POLR3B: variants seen among roughly 807,000 people sequenced by gnomAD.
POLR3B encodes DNA-directed RNA polymerase III subunit RPC2.
In POLR3B, 96 loss-of-function variants were observed where a neutral mutation model predicts 147.4. The ratio of observed to expected loss-of-function variants is 0.65; its 90% CI spans 0.55 to 0.77. The LOEUF (loss-of-function observed/expected upper bound fraction) is 0.77, where lower values mean the gene tolerates loss of function less well. Among genes scored for constraint, POLR3B ranks in the 30% least tolerant of loss-of-function variants. The pLI, the probability that POLR3B is intolerant of heterozygous loss-of-function variation, is 0.00. For missense variants in POLR3B, 1,036 were observed against 1,413.5 expected, an observed-to-expected ratio of 0.73 and a Z score of 4.28; for synonymous variants, 461 against 485.9, an observed-to-expected ratio of 0.95 and a Z score of 0.67.
At chr12:106,505,900 C>G (rs2137091589) in intron 27 of POLR3B, among the ~76,000 whole-genome samples, 1 of 152,308 alleles carries the variant, frequency 6.6e-6, no homozygotes, top group East Asian at 1.9e-4. Flanking sequence ...CAAGTGGGCT[C>G]CTTAAAACGC....
chr12:106,501,810 G>A (rs1470199162), intron 26 of POLR3B, among the ~76,000 whole-genome samples: 2 of 152,178 alleles, frequency 1.3e-5, no homozygotes, highest in African/African-American at 4.8e-5. Flanking sequence ...GAAGACACAT[G>A]CAGACATTAT....
intron 9 of POLR3B, among the ~76,000 whole-genome samples, chr12:106,385,214 C>T (rs917552125): frequency 6.6e-6 from 1 of 152,132 alleles, no homozygotes; most frequent in African/African-American, 2.4e-5. Context: ...AGGAACCTAG[C>T]CCTATATTTT....
intron 12 of POLR3B, 120 bp downstream of exon 12, chr12:106,411,080 T>C (rs551759709): frequency 2.4e-6 from 2 of 834,144 alleles, no homozygotes; most frequent in East Asian, 2.5e-5. Context: ...AGTATAAACA[T>C]TTCATACCTG....
chr12:106,378,064 G>A (rs759874621), intron 7 of POLR3B, among the ~76,000 whole-genome samples: 5 of 152,044 alleles, frequency 3.3e-5, no homozygotes, highest in Admixed American at 6.6e-5. Flanking sequence ...CTCCAGCCTC[G>A]GCGACAAAGG....
At chr12:106,446,695 T>A (rs1246052418) in intron 19 of POLR3B, among the ~76,000 whole-genome samples, 1 of 152,200 alleles carries the variant, frequency 6.6e-6, no homozygotes, top group Non-Finnish European at 1.5e-5. Context: ...TACAATCCTC[T>A]GACGTTACTG....
chr12:106,433,527 T>C (rs1005127957), intron 15 of POLR3B, among the ~76,000 whole-genome samples, 192 bp from the exon 16 acceptor site: 5 of 152,204 alleles, frequency 3.3e-5, no homozygotes, highest in Non-Finnish European at 7.3e-5. Context: ...TCAGCCTGCA[T>C]GTGGAAGGAC....
rs2037587897 is a variant in POLR3B at position 106,437,110 on chromosome 12, A to G, written c.1835A>G (p.Glu612Gly). The change falls in exon 17 of 28, where the codon GAA becomes GGA. Residue 612 changes from glutamate to glycine, a missense_variant. Glu to Gly is a moderately conservative substitution (Grantham distance 98). Coordinates refer to ENST00000228347, the MANE Select transcript of POLR3B (RefSeq NM_018082.6). ...QKPAVTNKHMEELAQGYRNFE... is the reference protein window; with the variant it reads ...QKPAVTNKHMGELAQGYRNFE... ...CCAGCAGTCACAAATAAACATATGG[A>G]AGAGCTGGCCCAAGGGTACAGGTAA... The G allele has an allele frequency of 6.2e-7, 1 of 1,613,172 alleles. No individual in the cohort carries two copies. The highest frequency in any genetic ancestry group is 1.3e-5 in the African/African-American group (1 of 74,912).
chr12:106,439,452 C>T (rs191060085), intron 18 of POLR3B, among the ~76,000 whole-genome samples: 209 of 152,036 alleles, frequency 1.4e-3, no homozygotes, highest in African/African-American at 4.6e-3. Flanking sequence ...ATTTACCAGC[C>T]TGGGTAACAT....
At chr12:106,388,172 A>G (rs556826331) in intron 9 of POLR3B, among the ~76,000 whole-genome samples, 7 of 152,298 alleles carry the variant, frequency 4.6e-5, no homozygotes, top group African/African-American at 1.2e-4. Flanking sequence ...TCTCCTGCCC[A>G]TGAATCTTCC....
intron 10 of POLR3B, among the ~76,000 whole-genome samples, chr12:106,396,435 T>C (rs918566479): frequency 8.5e-5 from 13 of 152,190 alleles, no homozygotes; most frequent in Admixed American, 5.2e-4. Context: ...GTCCAAATCT[T>C]ATCATGGGGA....
chr12:106,369,586 C>G lies in POLR3B; in HGVS notation c.307C>G (p.Arg103Gly). 6.2e-7 allele frequency: 1 copy of G among 1,602,370 alleles called. No homozygotes were observed. The highest frequency in any genetic ancestry group is 8.6e-7 in the Non-Finnish European group (1 of 1,169,378). ...VTRPVSPHEC[R>G]LRDMTYSAPI... ...CAGATTCCTGATTCTCTTTCAGTGCCGTTTGAGAGACATGACATACTCTGC... is the reference window on the plus strand; with the variant it reads ...CAGATTCCTGATTCTCTTTCAGTGCGGTTTGAGAGACATGACATACTCTGC... The change falls in exon 6 of 28, where the codon CGT becomes GGT. Residue 103 changes from arginine to glycine, a missense_variant. Transcript: ENST00000228347.
chr12:106,405,580 A>AC lies in POLR3B; in HGVS notation c.847-277_847-276insC, dbSNP rs2037140566. Among the ~76,000 whole-genome samples the AC allele has an allele frequency of 5.3e-5, 8 of 150,150 alleles. No homozygotes were observed. The South Asian group carries it at 6.4e-4, about 12-fold the overall frequency. ...CACACACACACACACACACACACAC[A>AC]AATATATTTTACTTGTGTCTGTATT... On this transcript the variant is annotated intron_variant, in intron 10 of 27. Transcript: ENST00000228347.
intron 14 of POLR3B, 42 bp from the exon 15 acceptor site, chr12:106,432,276 A>T (rs1248970503): frequency 1.3e-6 from 2 of 1,571,704 alleles, no homozygotes; most frequent in Non-Finnish European, 8.8e-7. Context: ...ACTTTGTATT[A>T]CTAATGTTCA....
chr12:106,374,980 A>AT lies in POLR3B; in HGVS notation c.405-1371dup, dbSNP rs543588736. Among the ~76,000 whole-genome samples, 162 of 152,116 alleles carry AT rather than the reference A, an allele frequency of 1.1e-3. 4 individuals are homozygous for AT. In the East Asian group the frequency reaches 0.018, roughly 16 times the overall value. On this transcript the variant is annotated intron_variant, in intron 6 of 27. Transcript: ENST00000228347. ...TTATTTTCCGTCTTCCTGAAGATGA[A>AT]TTTTTTTTAGAAATTTATTTAGTGA...
At chr12:106,408,760 C>T (rs1381970300) in intron 11 of POLR3B, among the ~76,000 whole-genome samples, 1 of 152,172 alleles carries the variant, frequency 6.6e-6, no homozygotes, top group Non-Finnish European at 1.5e-5. Flanking sequence ...TTAGCTTTCT[C>T]CTAAAAAGTC....
intron 15 of POLR3B, 75 bp downstream of exon 15, chr12:106,432,555 AT>A: frequency 2.5e-6 from 3 of 1,218,260 alleles, no homozygotes; most frequent in South Asian, 1.2e-5. Context: ...TTATCCTGGT[AT>A]TTAAAGCACA....
rs1219729730 is a variant in POLR3B, at chr12:106,390,207, G to A, written c.724-2824G>A. ...TACTCCAGCCTGGGCAACAGAGTAA[G>A]ACTCTGTCTCTGAAAAAAAAAAAAA... On this transcript the variant is annotated intron_variant, in intron 9 of 27. Transcript: ENST00000228347. 6.4e-5 allele frequency among the ~76,000 whole-genome samples: 9 copies of A among 140,564 alleles called. No homozygotes were observed. The Admixed American group carries it at 6.6e-4, about 10-fold the overall frequency. 92.2% of individuals were successfully genotyped at this position (140,564 alleles called of 152,430 possible).
chr12:106,468,942 A>C (rs996676179), intron 23 of POLR3B, among the ~76,000 whole-genome samples: 4 of 152,190 alleles, frequency 2.6e-5, no homozygotes, highest in African/African-American at 9.6e-5. Context: ...AGAGTTCTGT[A>C]GATGTCTATT....
At chr12:106,425,975 GGTTA>G (rs1235962300) in intron 12 of POLR3B, among the ~76,000 whole-genome samples, 1 of 151,854 alleles carries the variant, frequency 6.6e-6, no homozygotes, top group Non-Finnish European at 1.5e-5. Context: ...ATGATTTTGT[GGTTA>G]GTTATTTTTT....
Sources: allele counts gnomAD v4.1 joint callset (sites outside exome capture counted in the v4.1 genomes callset), GRCh38; gene constraint gnomAD v4.1.1; transcripts MANE v1.5; gene names NCBI Gene and HGNC (gene_info 2026-07-23, HGNC 2026-07-21).